Variants in SBF2 observed in about 807,000 individuals in gnomAD.
The protein encoded by SBF2 is SET binding factor 2, also known as myotubularin-related protein 13.
In SBF2, 112 loss-of-function variants were observed where a neutral mutation model predicts 225.2. The ratio of observed to expected loss-of-function variants is 0.50; its 90% CI spans 0.43 to 0.58. SBF2 has a LOEUF of 0.58. SBF2 is among the 20% of genes least tolerant of loss of function. The probability of loss-of-function intolerance (pLI) is 0.00; values close to 1 mark genes in which losing one functional copy is unlikely to be tolerated. For missense variants in SBF2, 1,996 were observed against 2,206.2 expected, an observed-to-expected ratio of 0.90 and a Z score of 1.91; for synonymous variants, 763 against 773.3, an observed-to-expected ratio of 0.99 and a Z score of 0.22.
At chr11:10,123,456 G>A (rs1277260328) in intron 2 of SBF2, among the ~76,000 whole-genome samples, 1 of 151,786 alleles carries the variant, frequency 6.6e-6, no homozygotes, top group Non-Finnish European at 1.5e-5. Flanking sequence ...TATAAATCCC[G>A]ACAATAAAAA....
intron 16 of SBF2, among the ~76,000 whole-genome samples, chr11:9,955,038 G>C (rs1036902271): frequency 6.6e-6 from 1 of 151,932 alleles, no homozygotes. Flanking sequence ...ACAAAAGACA[G>C]GGCTTTTCTT....
intron 16 of SBF2, among the ~76,000 whole-genome samples, chr11:9,932,811 C>G (rs537254204): frequency 6.6e-6 from 1 of 151,704 alleles, no homozygotes; most frequent in Non-Finnish European, 1.5e-5. Context: ...GGGCTAAATG[C>G]CCCAATTAAA....
chr11:9,959,346 G>A, intron 16 of SBF2: 3 of 778,354 alleles, frequency 3.9e-6, no homozygotes, highest in African/African-American at 1.7e-5. Flanking sequence ...TGGGGCTCAG[G>A]GAATCCACTG....
intron 1 of SBF2, among the ~76,000 whole-genome samples, chr11:10,279,138 G>A (rs1372602606): frequency 1.4e-5 from 2 of 143,972 alleles, no homozygotes; most frequent in African/African-American, 2.5e-5. Flanking sequence ...AAAGCCAGGC[G>A]TGGTGGCTCA....
chr11:10,107,199 C>A (rs556216036), intron 2 of SBF2, among the ~76,000 whole-genome samples: 32 of 152,276 alleles, frequency 2.1e-4, no homozygotes, highest in Non-Finnish European at 3.8e-4. Context: ...TGTGTTCACA[C>A]AAAAACTTGA....
At chr11:10,055,891 T>C (rs536179520) in intron 2 of SBF2, among the ~76,000 whole-genome samples, 10 of 151,930 alleles carry the variant, frequency 6.6e-5, no homozygotes, top group African/African-American at 1.9e-4. Context: ...AATCTTTCCA[T>C]GTAACCAAAA....
At chr11:10,152,924 T>C (rs1187351226) in intron 2 of SBF2, among the ~76,000 whole-genome samples, 1 of 152,162 alleles carries the variant, frequency 6.6e-6, no homozygotes, top group African/African-American at 2.4e-5. Flanking sequence ...ATACATTTTC[T>C]GGGGGAAAAA....
At chr11:10,077,964 A>G (rs1319876112) in intron 2 of SBF2, among the ~76,000 whole-genome samples, 2 of 152,216 alleles carry the variant, frequency 1.3e-5, no homozygotes, top group Non-Finnish European at 2.9e-5. Context: ...AACCTCATCA[A>G]CAAGTGGGCA....
intron 2 of SBF2, among the ~76,000 whole-genome samples, chr11:10,114,249 T>G (rs1003445500): frequency 6.6e-6 from 1 of 152,242 alleles, no homozygotes; most frequent in African/African-American, 2.4e-5. Context: ...GATGTATTAT[T>G]TTTAAGTGTA....
intron 1 of SBF2, among the ~76,000 whole-genome samples, chr11:10,214,264 TA>T (rs1309417386): frequency 1.3e-5 from 2 of 152,140 alleles, no homozygotes; most frequent in African/African-American, 4.8e-5. Flanking sequence ...CATTTCTAAA[TA>T]CGCCTTGGAG....
chr11:10,239,239 G>T (rs1330932744), intron 1 of SBF2, among the ~76,000 whole-genome samples: 1 of 150,468 alleles, frequency 6.6e-6, no homozygotes, highest in African/African-American at 2.4e-5. Context: ...GCAACATAAA[G>T]CAAGTTTCAG....
At chr11:10,197,284 T>C (rs534199311) in intron 1 of SBF2, among the ~76,000 whole-genome samples, 1 of 152,306 alleles carries the variant, frequency 6.6e-6, no homozygotes, top group Admixed American at 6.5e-5. Flanking sequence ...ATTACAGTCA[T>C]ACTTGGGAGA....
intron 1 of SBF2, among the ~76,000 whole-genome samples, chr11:10,245,159 A>C (rs1362642981): frequency 6.6e-6 from 1 of 151,592 alleles, no homozygotes. Flanking sequence ...AAAAATTAAA[A>C]TGGGCAAACT....
intron 6 of SBF2, among the ~76,000 whole-genome samples, chr11:10,007,805 C>T (rs1948262756): frequency 6.6e-6 from 1 of 152,180 alleles, no homozygotes; most frequent in South Asian, 2.1e-4. Context: ...GGTCACGCCC[C>T]CTTCAAGAGG....
chr11:10,237,223 T>A (rs1959107644), intron 1 of SBF2, among the ~76,000 whole-genome samples: 1 of 152,188 alleles, frequency 6.6e-6, no homozygotes, highest in Admixed American at 6.5e-5. Flanking sequence ...GGTATATACC[T>A]GTTATCCCAG....
intron 16 of SBF2, chr11:9,929,233 A>G (rs79155757): frequency 0.024 from 4,561 of 188,996 alleles, 91 homozygotes; most frequent in Non-Finnish European, 0.035. Flanking sequence ...AAAAAGCTCG[A>G]TAAGTGGATG....
intron 6 of SBF2, among the ~76,000 whole-genome samples, chr11:10,006,839 G>GA (rs1490814625): frequency 1.3e-5 from 2 of 152,190 alleles, no homozygotes; most frequent in African/African-American, 4.8e-5. Flanking sequence ...GCAGTTAGCT[G>GA]AAAATCAAGC....
intron 16 of SBF2, among the ~76,000 whole-genome samples, chr11:9,941,593 A>G (rs1281800008): frequency 6.6e-6 from 1 of 152,244 alleles, no homozygotes; most frequent in African/African-American, 2.4e-5. Context: ...AGCTGTACAA[A>G]AAGCATTTCA....
At chr11:10,076,972 G>A (rs1458510037) in intron 2 of SBF2, among the ~76,000 whole-genome samples, 3 of 152,096 alleles carry the variant, frequency 2.0e-5, no homozygotes, top group Non-Finnish European at 2.9e-5. Flanking sequence ...CCACAGCCTA[G>A]TCCATCACCT....
Sources: allele counts gnomAD v4.1 joint callset (sites outside exome capture counted in the v4.1 genomes callset), GRCh38; gene constraint gnomAD v4.1.1; transcripts MANE v1.5; gene names NCBI Gene and HGNC (gene_info 2026-07-23, HGNC 2026-07-21).